CNTNAP2: variants seen among roughly 807,000 people sequenced by gnomAD.
CNTNAP2 encodes contactin-associated protein-like 2.
In CNTNAP2, 98 loss-of-function variants were observed where a neutral mutation model predicts 155.2. That is an observed-to-expected ratio of 0.63 (90% CI 0.54 to 0.75). CNTNAP2 has a LOEUF of 0.75. Among genes scored for constraint, CNTNAP2 ranks in the 30% least tolerant of loss-of-function variants. The pLI is 0.00. For synonymous variants in CNTNAP2, 651 were observed against 631.2 expected (o/e 1.03, Z -0.47); for missense variants, 1,727 against 1,688.1 (o/e 1.02, Z -0.40).
At chr7:146,438,769 A>G (rs1358076) in intron 1 of CNTNAP2, among the ~76,000 whole-genome samples, 5,614 of 151,524 alleles carry the variant, frequency 0.037, 591 homozygotes, top group African/African-American at 0.13. Context: ...AAAGATTAAG[A>G]TAGGTTTTTT....
intron 1 of CNTNAP2, among the ~76,000 whole-genome samples, chr7:146,695,229 G>A (rs1368703585): frequency 6.6e-6 from 1 of 152,056 alleles, no homozygotes; most frequent in Non-Finnish European, 1.5e-5. Flanking sequence ...CTACGTTTTT[G>A]TAGATATCTA....
chr7:147,121,359 T>C, intron 6 of CNTNAP2, 196 bp downstream of exon 6: 1 of 550,944 alleles, frequency 1.8e-6, no homozygotes, highest in East Asian at 3.4e-5. Flanking sequence ...GTACTTGAAC[T>C]ATTATAAAAA....
At chr7:147,901,773 C>T (rs1799872755) in intron 13 of CNTNAP2, among the ~76,000 whole-genome samples, 1 of 152,148 alleles carries the variant, frequency 6.6e-6, no homozygotes. Flanking sequence ...AAACTGTTCT[C>T]CAATCTGTAT....
intron 3 of CNTNAP2, among the ~76,000 whole-genome samples, chr7:147,040,623 G>A (rs1799242623): frequency 1.3e-5 from 2 of 151,744 alleles, no homozygotes; most frequent in Non-Finnish European, 2.9e-5. Flanking sequence ...ACCACACCTG[G>A]CTGATTTTTG....
intron 1 of CNTNAP2, among the ~76,000 whole-genome samples, chr7:146,388,007 AGTGTGT>A (rs142522965): frequency 6.8e-6 from 1 of 147,332 alleles, no homozygotes; most frequent in Non-Finnish European, 1.5e-5. Context: ...TGTGTGCATG[AGTGTGT>A]GTGTGTGTGT....
chr7:146,200,541 C>CATAT lies in CNTNAP2; in HGVS notation c.97+83574_97+83577dup, dbSNP rs3049963. Among the ~76,000 whole-genome samples, 63 of 150,832 alleles carry CATAT rather than the reference C, an allele frequency of 4.2e-4. 2 individuals are homozygous for CATAT. The highest frequency in any genetic ancestry group is 2.0e-3 in the Admixed American group (30 of 15,150). ...ACACAGACACACACACACACACACA[C>CATAT]ATATATATACTGTGTTTTTACTATG... On this transcript the variant is annotated intron_variant, in intron 1 of 23. Coordinates refer to ENST00000361727, the MANE Select transcript of CNTNAP2 (RefSeq NM_014141.6).
chr7:147,189,979 C>T (rs1043758979), intron 8 of CNTNAP2, among the ~76,000 whole-genome samples: 17 of 152,110 alleles, frequency 1.1e-4, no homozygotes, highest in Admixed American at 2.6e-4. Context: ...CTCTTGACCT[C>T]GTGATCCACC....
At chr7:147,201,224 A>G (rs536539023) in intron 8 of CNTNAP2, among the ~76,000 whole-genome samples, 5 of 152,332 alleles carry the variant, frequency 3.3e-5, no homozygotes, top group African/African-American at 1.2e-4. Context: ...GAACACAATA[A>G]TTAATTTGCT....
At chr7:148,025,210 A>G (rs1563171392) in intron 15 of CNTNAP2, among the ~76,000 whole-genome samples, 1 of 152,228 alleles carries the variant, frequency 6.6e-6, no homozygotes, top group Non-Finnish European at 1.5e-5. Context: ...GATAATATCC[A>G]TATGGTCAAA....
chr7:148,136,838 C>G (rs1012834711), intron 16 of CNTNAP2, among the ~76,000 whole-genome samples: 1 of 152,096 alleles, frequency 6.6e-6, no homozygotes, highest in Non-Finnish European at 1.5e-5. Flanking sequence ...CAAACTAGTC[C>G]TAAAAGGGTT....
At chr7:146,275,172 CAAAT>C (rs1800144682) in intron 1 of CNTNAP2, among the ~76,000 whole-genome samples, 1 of 152,126 alleles carries the variant, frequency 6.6e-6, no homozygotes, top group African/African-American at 2.4e-5. Context: ...TTTTCTGTAT[CAAAT>C]AGATAAGATT....
At chr7:147,101,898 A>G (rs1162687589) in intron 4 of CNTNAP2, among the ~76,000 whole-genome samples, 3 of 152,132 alleles carry the variant, frequency 2.0e-5, no homozygotes, top group East Asian at 1.9e-4. Flanking sequence ...AGAAGCAACA[A>G]TTGGGCAGGA....
intron 3 of CNTNAP2, among the ~76,000 whole-genome samples, chr7:146,920,793 G>A (rs922662083): frequency 1.8e-4 from 28 of 152,230 alleles, no homozygotes; most frequent in Middle Eastern, 3.4e-3. Context: ...TTTTGTTTAA[G>A]TGCACGAGTT....
rs1013947594 is a variant in CNTNAP2, at chr7:146,887,342, G to T, written c.402+47438G>T. Among the ~76,000 whole-genome samples, 16 of 151,574 alleles carry T rather than the reference G, an allele frequency of 1.1e-4. No homozygotes were observed. In the Admixed American group the frequency reaches 1.1e-3, roughly 10 times the overall value. ...TCTGTTTTATGTTTTGTTTTGTTTT[G>T]TTTTTTTGTATTTTTAATAGAGACA... is the stretch of plus-strand genomic sequence containing the variant. On this transcript the variant is annotated intron_variant, in intron 3 of 23. Coordinates refer to ENST00000361727, the MANE Select transcript of CNTNAP2 (RefSeq NM_014141.6).
At chr7:147,649,267 C>A (rs1021231893) in intron 13 of CNTNAP2, among the ~76,000 whole-genome samples, 1 of 152,122 alleles carries the variant, frequency 6.6e-6, no homozygotes, top group Non-Finnish European at 1.5e-5. Context: ...TCCAGTCACT[C>A]TGTAGAGCTT....
chr7:148,318,981 A>G (rs534961303), intron 21 of CNTNAP2, among the ~76,000 whole-genome samples: 1 of 152,264 alleles, frequency 6.6e-6, no homozygotes, highest in South Asian at 2.1e-4. Context: ...AGGAATTACA[A>G]CCTCTTCTCC....
chr7:146,672,752 A>T (rs568065938), intron 1 of CNTNAP2, among the ~76,000 whole-genome samples: 6 of 152,358 alleles, frequency 3.9e-5, no homozygotes, highest in African/African-American at 1.4e-4. Context: ...GAAAGATAAA[A>T]TAACCAAACA....
chr7:146,127,458 A>G (rs1008964116), intron 1 of CNTNAP2, among the ~76,000 whole-genome samples: 2 of 152,250 alleles, frequency 1.3e-5, no homozygotes, highest in Non-Finnish European at 2.9e-5. Context: ...CAACAGAAGG[A>G]AGGCGAGAAA....
intron 2 of CNTNAP2, among the ~76,000 whole-genome samples, chr7:146,783,984 C>T (rs1198037596): frequency 1.3e-5 from 2 of 152,048 alleles, no homozygotes; most frequent in African/African-American, 2.4e-5. Context: ...GAAATATAGT[C>T]GTATCTCCCA....
Sources: gnomAD v4.1 joint callset for allele counts (sites outside exome capture counted in the v4.1 genomes callset) on GRCh38, gnomAD v4.1.1 for gene constraint, MANE v1.5 for transcripts, NCBI Gene and HGNC (gene_info 2026-07-23, HGNC 2026-07-21) for gene names.